Variants in KCNIP4 observed in about 807,000 individuals in gnomAD.
KCNIP4 encodes the protein Kv channel-interacting protein 4.
A neutral mutation model predicts 34.0 loss-of-function variants in KCNIP4; 12 were observed. The observed-to-expected ratio is 0.35, with a 90% CI of 0.23 to 0.57. The LOEUF (loss-of-function observed/expected upper bound fraction) is 0.57, where lower values mean the gene tolerates loss of function less well. KCNIP4 is among the 20% of genes least tolerant of loss of function. The probability of loss-of-function intolerance (pLI) is 0.83; values close to 1 mark genes in which losing one functional copy is unlikely to be tolerated. For synonymous variants in KCNIP4, 124 were observed against 102.2 expected (o/e 1.21, Z -1.29); for missense variants, 238 against 311.7 (o/e 0.76, Z 1.78).
chr4:21,807,110 A>G (rs1387224462), intron 1 of KCNIP4, among the ~76,000 whole-genome samples: 1 of 152,082 alleles, frequency 6.6e-6, no homozygotes, highest in African/African-American at 2.4e-5. Flanking sequence ...AGCCCTTCAC[A>G]TGCACAGTTC....
intron 1 of KCNIP4, among the ~76,000 whole-genome samples, chr4:21,274,315 G>A (rs576336266): frequency 6.6e-6 from 1 of 152,222 alleles, no homozygotes; most frequent in Non-Finnish European, 1.5e-5. Flanking sequence ...TTCAAGATGT[G>A]TACTGTTTGA....
intron 1 of KCNIP4, among the ~76,000 whole-genome samples, chr4:21,382,897 C>T (rs1721649507): frequency 6.6e-6 from 1 of 152,154 alleles, no homozygotes; most frequent in African/African-American, 2.4e-5. Flanking sequence ...GTGATTACCA[C>T]CATTTGAATT....
At chr4:21,668,630 G>A (rs955812041) in intron 1 of KCNIP4, among the ~76,000 whole-genome samples, 12 of 152,116 alleles carry the variant, frequency 7.9e-5, no homozygotes, top group African/African-American at 2.9e-4. Context: ...ATAACAATAT[G>A]CAATATATAC....
intron 1 of KCNIP4, among the ~76,000 whole-genome samples, chr4:21,269,741 C>T (rs554199729): frequency 3.3e-5 from 5 of 152,128 alleles, no homozygotes; most frequent in Non-Finnish European, 7.4e-5. Context: ...ATCTCGATAA[C>T]CTAAATTAGA....
chr4:21,910,144 T>C (rs1728224257), intron 1 of KCNIP4, among the ~76,000 whole-genome samples: 1 of 152,068 alleles, frequency 6.6e-6, no homozygotes, highest in Non-Finnish European at 1.5e-5. Flanking sequence ...GGTGTCTCTC[T>C]CTGATAAAAG....
chr4:21,739,872 A>T (rs1354835680), intron 1 of KCNIP4, among the ~76,000 whole-genome samples: 1 of 152,170 alleles, frequency 6.6e-6, no homozygotes, highest in Non-Finnish European at 1.5e-5. Context: ...CTCAAACAAA[A>T]GTATCCAATG....
intron 1 of KCNIP4, among the ~76,000 whole-genome samples, chr4:21,865,708 A>T (rs1339043988): frequency 6.6e-6 from 1 of 151,434 alleles, no homozygotes; most frequent in Non-Finnish European, 1.5e-5. Flanking sequence ...ATGCCCAGCT[A>T]ATTTTTGTAT....
At chr4:21,486,373 A>G (rs1731915475) in intron 1 of KCNIP4, among the ~76,000 whole-genome samples, 1 of 152,166 alleles carries the variant, frequency 6.6e-6, no homozygotes, top group South Asian at 2.1e-4. Context: ...CTTCTGAGAT[A>G]AAAGCTGAAT....
chr4:21,562,539 C>G, intron 1 of KCNIP4, among the ~76,000 whole-genome samples: 1 of 151,998 alleles, frequency 6.6e-6, no homozygotes, highest in Non-Finnish European at 1.5e-5. Context: ...TAACATGTAA[C>G]ATTTGGGAAT....
chr4:21,723,179 G>A (rs2109098527), intron 1 of KCNIP4, among the ~76,000 whole-genome samples: 1 of 152,154 alleles, frequency 6.6e-6, no homozygotes, highest in Admixed American at 6.6e-5. Context: ...AGTTCTTCGG[G>A]CATGTGGACT....
At chr4:21,714,604 G>C (rs552439053) in intron 1 of KCNIP4, among the ~76,000 whole-genome samples, 5 of 151,944 alleles carry the variant, frequency 3.3e-5, no homozygotes, top group African/African-American at 1.2e-4. Flanking sequence ...TGACTTGGTA[G>C]CTTTTAGTAG....
intron 1 of KCNIP4, among the ~76,000 whole-genome samples, chr4:21,946,942 C>G (rs1730543054): frequency 6.6e-6 from 1 of 152,158 alleles, no homozygotes; most frequent in East Asian, 1.9e-4. Flanking sequence ...ACCCATGACC[C>G]TGTGCATAGT....
chr4:21,040,954 T>TA (rs11399453), intron 1 of KCNIP4, among the ~76,000 whole-genome samples: 130,579 of 143,036 alleles, frequency 0.91, 59,587 homozygotes, highest in African/African-American at 0.94. Flanking sequence ...TGAAACAGAG[T>TA]AAAAAAAAAA....
At chr4:21,124,566 G>A (rs1449263446) in intron 1 of KCNIP4, among the ~76,000 whole-genome samples, 2 of 152,106 alleles carry the variant, frequency 1.3e-5, no homozygotes, top group Admixed American at 6.5e-5. Flanking sequence ...TATTTTAATG[G>A]AATGGACTTA....
rs547942072 is a variant in KCNIP4, at chr4:21,743,188, T to A, written c.61+205383A>T. Among the ~76,000 whole-genome samples the A allele has an allele frequency of 7.9e-5, 12 of 152,204 alleles. No individual in the cohort carries two copies. The South Asian group carries it at 8.3e-4, about 11-fold the overall frequency. On this transcript the variant is annotated intron_variant, in intron 1 of 8. Coordinates refer to ENST00000382152, the MANE Select transcript of KCNIP4 (RefSeq NM_025221.6). ...ACTTATTTTCTCACAGGTCTGGAGT[T>A]CAGAAGTACAAAATCGGTCTAATTG...
At chr4:21,447,663 T>C (rs938705714) in intron 1 of KCNIP4, among the ~76,000 whole-genome samples, 4 of 152,150 alleles carry the variant, frequency 2.6e-5, no homozygotes, top group African/African-American at 7.2e-5. Flanking sequence ...ACACCAATAA[T>C]TGATAAAGTA....
At chr4:21,013,447 C>T (rs1210873976) in intron 1 of KCNIP4, among the ~76,000 whole-genome samples, 5 of 152,034 alleles carry the variant, frequency 3.3e-5, no homozygotes, top group Admixed American at 2.6e-4. Context: ...CCCACTGACC[C>T]CCAGACACCA....
intron 2 of KCNIP4, among the ~76,000 whole-genome samples, chr4:20,850,939 T>C (rs1720956652): frequency 6.6e-6 from 1 of 152,202 alleles, no homozygotes; most frequent in South Asian, 2.1e-4. Flanking sequence ...AGCACAGGAA[T>C]TTATTTCAGA....
chr4:21,445,221 T>C (rs1002014164), intron 1 of KCNIP4, among the ~76,000 whole-genome samples: 15 of 152,294 alleles, frequency 9.8e-5, no homozygotes, highest in African/African-American at 3.4e-4. Flanking sequence ...ATAGATTCAA[T>C]GCCATCCCCA....
Sources: allele counts gnomAD v4.1 joint callset (sites outside exome capture counted in the v4.1 genomes callset), GRCh38; gene constraint gnomAD v4.1.1; transcripts MANE v1.5; gene names NCBI Gene and HGNC (gene_info 2026-07-23, HGNC 2026-07-21).